Variants in RAD51B observed in about 807,000 individuals in gnomAD.
RAD51B encodes RAD51 paralog B.
RAD51B carries 38 observed loss-of-function variants against 42.2 expected under a neutral mutation model. The ratio of observed to expected loss-of-function variants is 0.90; its 90% CI spans 0.70 to 1.18. RAD51B has a LOEUF of 1.18. Ranked by LOEUF, RAD51B falls within the 50% of genes most tolerant of loss-of-function variation. The pLI is 0.00. For missense variants in RAD51B, 373 were observed against 400.7 expected, an observed-to-expected ratio of 0.93 and a Z score of 0.59; for synonymous variants, 154 against 145.2, an observed-to-expected ratio of 1.06 and a Z score of -0.43.
intron 7 of RAD51B, among the ~76,000 whole-genome samples, chr14:68,238,037 C>T (rs764570591): frequency 5.3e-5 from 8 of 152,056 alleles, no homozygotes; most frequent in Non-Finnish European, 4.4e-5. Context: ...AATATATCTC[C>T]GAGTAGAATT....
chr14:68,084,819 A>G (rs1027694015), intron 7 of RAD51B, among the ~76,000 whole-genome samples: 4 of 152,180 alleles, frequency 2.6e-5, no homozygotes, highest in Non-Finnish European at 5.9e-5. Context: ...GATGACTTGT[A>G]CGCTGCTGTG....
At chr14:68,654,984 T>A (rs1892780851) in intron 11 of RAD51B, among the ~76,000 whole-genome samples, 1 of 151,152 alleles carries the variant, frequency 6.6e-6, no homozygotes, top group Admixed American at 6.6e-5. Context: ...AAGGAGGGAG[T>A]AGGAGGCTGG....
rs959358591 is a variant in RAD51B, at chr14:68,541,383, A to T, written c.1037-53102A>T. The T allele has an allele frequency of 1.8e-5, 18 of 985,334 alleles. No homozygotes were observed. The African/African-American group carries it at 2.4e-4, about 13-fold the overall frequency. 61.0% of individuals were successfully genotyped at this position (985,334 alleles called of 1,614,324 possible). On this transcript the variant is annotated intron_variant, in intron 10 of 10. Coordinates refer to the RAD51B transcript ENST00000487270. ...GGAGAAATGCCATAGTCCTTCCCAG[A>T]AGCACATCTTATATGCACAGTCCTC... is the stretch of plus-strand genomic sequence containing the variant.
At chr14:68,134,812 C>G (rs10134124) in intron 7 of RAD51B, among the ~76,000 whole-genome samples, 1 of 150,746 alleles carries the variant, frequency 6.6e-6, no homozygotes, top group Admixed American at 6.6e-5. Flanking sequence ...GAATCCTCTT[C>G]GCATTCTAGA....
chr14:68,677,046 C>T (rs1017763774), intron 11 of RAD51B, among the ~76,000 whole-genome samples: 1 of 152,094 alleles, frequency 6.6e-6, no homozygotes, highest in Non-Finnish European at 1.5e-5. Flanking sequence ...CAGCTATGCT[C>T]CCCCCTGTCA....
intron 7 of RAD51B, among the ~76,000 whole-genome samples, chr14:68,050,028 A>G (rs1342157590): frequency 6.6e-6 from 1 of 152,132 alleles, no homozygotes; most frequent in Non-Finnish European, 1.5e-5. Context: ...TTACTTTACA[A>G]TTTATTTAAA....
chr14:68,404,130 A>G (rs1010221175), intron 8 of RAD51B, among the ~76,000 whole-genome samples: 8 of 152,236 alleles, frequency 5.3e-5, no homozygotes, highest in Admixed American at 4.6e-4. Flanking sequence ...GCTCAATCCC[A>G]TAACAATGAA....
intron 7 of RAD51B, among the ~76,000 whole-genome samples, chr14:68,021,266 T>C (rs981164483): frequency 6.6e-6 from 1 of 152,182 alleles, no homozygotes; most frequent in African/African-American, 2.4e-5. Context: ...AGGGAGAACA[T>C]TGCCTCCTGA....
intron 7 of RAD51B, among the ~76,000 whole-genome samples, chr14:68,020,240 G>A (rs2075842060): frequency 6.6e-6 from 1 of 152,064 alleles, no homozygotes; most frequent in Admixed American, 6.6e-5. Context: ...CTCTCGAGTA[G>A]CTGGGACCAC....
intron 8 of RAD51B, among the ~76,000 whole-genome samples, chr14:68,294,335 T>C (rs1342633793): frequency 6.6e-6 from 1 of 152,202 alleles, no homozygotes; most frequent in Non-Finnish European, 1.5e-5. Flanking sequence ...AAAGAGGCTA[T>C]ATAAATATAT....
intron 10 of RAD51B, among the ~76,000 whole-genome samples, chr14:68,590,356 T>A (rs1338745132): frequency 1.3e-5 from 2 of 152,196 alleles, no homozygotes. Flanking sequence ...CAGTTTTCCA[T>A]GAGCAGGCTT....
At chr14:68,400,666 G>T (rs2140048413) in intron 8 of RAD51B, among the ~76,000 whole-genome samples, 1 of 151,716 alleles carries the variant, frequency 6.6e-6, no homozygotes, top group Non-Finnish European at 1.5e-5. Context: ...ACACTGTGGG[G>T]GAAAAAAAAC....
intron 10 of RAD51B, among the ~76,000 whole-genome samples, chr14:68,643,777 C>T (rs145367878): frequency 1.3e-5 from 2 of 152,282 alleles, no homozygotes; most frequent in African/African-American, 4.8e-5. Context: ...GACCATCCAC[C>T]CCTCCTGGAA....
intron 7 of RAD51B, among the ~76,000 whole-genome samples, chr14:68,102,073 C>T (rs768916563): frequency 2.6e-5 from 4 of 152,084 alleles, no homozygotes; most frequent in Non-Finnish European, 5.9e-5. Flanking sequence ...GTACCTTGGC[C>T]CCTTTTAACC....
intron 5 of RAD51B, among the ~76,000 whole-genome samples, chr14:67,881,984 T>C (rs2042921521): frequency 6.6e-6 from 1 of 152,182 alleles, no homozygotes; most frequent in African/African-American, 2.4e-5. Context: ...TTTTTATTTT[T>C]TTAGACAGGT....
intron 9 of RAD51B, among the ~76,000 whole-genome samples, chr14:68,460,215 G>T (rs965204039): frequency 6.6e-6 from 1 of 152,050 alleles, no homozygotes; most frequent in African/African-American, 2.4e-5. Context: ...ACTTTGGGAG[G>T]CTGAAGCAGG....
At chr14:67,997,725 C>T (rs1055836560) in intron 7 of RAD51B, among the ~76,000 whole-genome samples, 2 of 152,172 alleles carry the variant, frequency 1.3e-5, no homozygotes, top group Non-Finnish European at 2.9e-5. Context: ...ACCCATGGTA[C>T]TGTATTTACA....
chr14:68,661,662 G>C (rs1171494071), intron 11 of RAD51B, among the ~76,000 whole-genome samples: 1 of 152,228 alleles, frequency 6.6e-6, no homozygotes, highest in African/African-American at 2.4e-5. Context: ...GGCGTGGCAT[G>C]CAAACATATT....
At chr14:68,434,641 T>C (rs1358525298) in intron 9 of RAD51B, among the ~76,000 whole-genome samples, 1 of 152,188 alleles carries the variant, frequency 6.6e-6, no homozygotes, top group Non-Finnish European at 1.5e-5. Flanking sequence ...GTGCTGTCGG[T>C]CACAGCTTCC....
Sources: allele counts gnomAD v4.1 joint callset (sites outside exome capture counted in the v4.1 genomes callset), GRCh38; gene constraint gnomAD v4.1.1; transcripts MANE v1.5; gene names NCBI Gene and HGNC (gene_info 2026-07-23, HGNC 2026-07-21).